Variants in LRRC36 observed in about 807,000 individuals in gnomAD.
LRRC36 encodes leucine-rich repeat-containing protein 36.
A neutral mutation model predicts 81.1 loss-of-function variants in LRRC36; 62 were observed. That is an observed-to-expected ratio of 0.76 (90% confidence interval 0.62 to 0.94). LRRC36 has a LOEUF of 0.94. Ranked by LOEUF, LRRC36 falls within the 40% of genes least tolerant of loss-of-function variation. The pLI, the probability that LRRC36 is intolerant of heterozygous loss-of-function variation, is 0.00. For synonymous variants in LRRC36, 334 were observed against 348.6 expected (o/e 0.96, Z 0.47); for missense variants, 761 against 881.7 (o/e 0.86, Z 1.73).
chr16:67,337,595 GGTGATCT>G lies in LRRC36; in HGVS notation c.71-4360_71-4354del, dbSNP rs2037825069. On this transcript the variant is annotated intron_variant, in intron 1 of 13. Transcript: ENST00000329956. Reference sequence around the variant, plus strand: ...GTCTGGTCTCAAACTCCTGGCCTCAGGTGATCTGCCCACCTCGGCCTTCCAAAGTGCT... The same window carrying G: ...GTCTGGTCTCAAACTCCTGGCCTCAGGCCCACCTCGGCCTTCCAAAGTGCT... Among the ~76,000 whole-genome samples the G allele has an allele frequency of 3.3e-5, 5 of 151,126 alleles. No individual in the cohort carries two copies. In the South Asian group the frequency reaches 1.1e-3, roughly 32 times the overall value.
At chr16:67,332,892 A>G (rs1223356640) in intron 1 of LRRC36, among the ~76,000 whole-genome samples, 1 of 151,416 alleles carries the variant, frequency 6.6e-6, no homozygotes, top group African/African-American at 2.4e-5. Context: ...TATTTTATTT[A>G]TTTATTTTTT....
chr16:67,340,845 C>T (rs150074982), intron 1 of LRRC36, among the ~76,000 whole-genome samples: 2,130 of 48,434 alleles, frequency 0.044, 104 homozygotes, highest in Middle Eastern at 0.15. Context: ...GAATATATAC[C>T]ACATATACTC....
chr16:67,349,235 CT>C (rs558818556), intron 4 of LRRC36, among the ~76,000 whole-genome samples: 34 of 151,728 alleles, frequency 2.2e-4, no homozygotes, highest in Non-Finnish European at 3.4e-4. Flanking sequence ...GATTGCAAAA[CT>C]GGAGGAAAAA....
At chr16:67,338,753 G>C (rs1410597072) in intron 1 of LRRC36, among the ~76,000 whole-genome samples, 1 of 148,598 alleles carries the variant, frequency 6.7e-6, no homozygotes, top group African/African-American at 2.5e-5. Flanking sequence ...AATCATGTTT[G>C]TTAATATCAT....
At chr16:67,342,805 G>A (rs995836643) in intron 2 of LRRC36, among the ~76,000 whole-genome samples, 13 of 152,156 alleles carry the variant, frequency 8.5e-5, no homozygotes, top group African/African-American at 1.2e-4. Context: ...AAGATCGAGC[G>A]TGACAAAGAC....
Position 67,326,859 on chromosome 16 carries a change from G to C in LRRC36, c.-4G>C, listed in dbSNP as rs748905203. 1 of 1,434,362 alleles carries C rather than the reference G, an allele frequency of 7.0e-7. No homozygotes were observed. The highest frequency in any genetic ancestry group is 1.5e-5 in the South Asian group (1 of 65,622). The allele number at this position is 1,434,362 out of a possible 1,614,324, so 88.9% of individuals were successfully genotyped here. On this transcript the variant is annotated 5_prime_UTR_variant, in exon 1 of 14. Transcript: ENST00000329956. ...GGGCGGTGGCAGGTGAGCGGCGGGC[G>C]GGGATGGCGGAGCAATGGGAGCTGG... is the stretch of plus-strand genomic sequence containing the variant.
At chr16:67,336,028 G>A (rs1365941472) in intron 1 of LRRC36, among the ~76,000 whole-genome samples, 4 of 152,122 alleles carry the variant, frequency 2.6e-5, no homozygotes, top group South Asian at 2.1e-4. Context: ...CACCGCACCC[G>A]GCCCAACCAC....
chr16:67,369,723 G>A (rs1304700012), intron 8 of LRRC36, among the ~76,000 whole-genome samples: 2 of 152,176 alleles, frequency 1.3e-5, no homozygotes, highest in South Asian at 2.1e-4. Context: ...TTACATGGTG[G>A]CAGGCAAGAG....
At position 67,381,808 on chromosome 16, in the gene LRRC36, G is replaced by A. The variant is rs533737970; in HGVS notation, c.1931-325G>A. ...TAATTGTCGTATTTTTAGGAGAGACGGGGTTTCACCATCTTGGCCAGGCTG... is the reference window on the plus strand; with the variant it reads ...TAATTGTCGTATTTTTAGGAGAGACAGGGTTTCACCATCTTGGCCAGGCTG... On this transcript the variant is annotated intron_variant, in intron 12 of 13. Transcript: ENST00000329956. Among the ~76,000 whole-genome samples, 8 of 152,234 alleles carry A rather than the reference G, an allele frequency of 5.3e-5. No homozygotes were observed. The East Asian group carries it at 1.4e-3, about 26-fold the overall frequency.
intron 10 of LRRC36, 46 bp from the exon 11 acceptor site, chr16:67,376,681 T>C (rs771182317): frequency 4.7e-5 from 75 of 1,586,814 alleles, no homozygotes; most frequent in Non-Finnish European, 5.9e-5. Flanking sequence ...ATGCTGTGCC[T>C]TAGCTTTTAA....
intron 9 of LRRC36, among the ~76,000 whole-genome samples, chr16:67,373,281 C>T (rs886410613): frequency 2.0e-5 from 3 of 152,034 alleles, no homozygotes; most frequent in African/African-American, 7.2e-5. Context: ...TTCTGTTAGA[C>T]ATTATTTTTC....
chr16:67,333,614 C>T (rs1435224592), intron 1 of LRRC36, among the ~76,000 whole-genome samples: 4 of 152,072 alleles, frequency 2.6e-5, no homozygotes, highest in African/African-American at 7.2e-5. Flanking sequence ...GGATTTGCCT[C>T]TTCTGGGTAT....
intron 6 of LRRC36, 117 bp downstream of exon 6, chr16:67,363,831 A>G (rs1355363050): frequency 1.8e-6 from 2 of 1,125,960 alleles, no homozygotes; most frequent in South Asian, 3.0e-5. Flanking sequence ...AAGGCATTTT[A>G]GACCCTTTTA....
At chr16:67,383,262 T>A (rs1022562093) in intron 13 of LRRC36, among the ~76,000 whole-genome samples, 2 of 152,192 alleles carry the variant, frequency 1.3e-5, no homozygotes, top group African/African-American at 4.8e-5. Flanking sequence ...TCAAGCCTTC[T>A]ACTTCACTTC....
At position 67,371,229 on chromosome 16, in the gene LRRC36, C is replaced by A; in HGVS notation, c.1481C>A (p.Ala494Asp). The change falls in exon 9 of 14, where the codon GCT becomes GAT. Residue 494 changes from alanine (A) to aspartate (D), a missense_variant. Ala to Asp is a moderately radical substitution (Grantham distance 126). Around this residue, in one of 3 missense-constraint regions of LRRC36, gnomAD observed 359 missense variants for 388.4 expected, o/e 0.92. Transcript: ENST00000329956. ...AATCTAAAGCATGGTTTCCAAGATG[C>A]TACAGGCAGCGAGGCAAGTGTTGGC... ...NLNLKHGFQD[A>D]TGSEPLSSDL... The A allele has an allele frequency of 6.2e-7, 1 of 1,614,164 alleles. No homozygotes were observed. Among genetic ancestry groups the A allele is most frequent in the South Asian group, 1.1e-5 (1 of 91,076 alleles).
rs114110165 is a variant in LRRC36 at position 67,342,395 on chromosome 16, A to T, written c.198+311A>T. ...AACACTTGTAGAAGTACAGATTCTC[A>T]GTCCCTACTGTGAGAGTTGGTCTGA... On this transcript the variant is annotated intron_variant, in intron 2 of 13. Coordinates refer to ENST00000329956, the MANE Select transcript of LRRC36 (RefSeq NM_018296.6). 2.5e-3 allele frequency among the ~76,000 whole-genome samples: 382 copies of T among 152,328 alleles called. 1 individual carries two copies. Among genetic ancestry groups the T allele is most frequent in the African/African-American group, 8.8e-3 (367 of 41,578 alleles).
In LRRC36 at chr16:67,326,926, C is replaced by T; in HGVS notation, c.64C>T (p.Gln22Ter). The change falls in exon 1 of 14, where the codon CAG becomes TAG. Residue 22 changes from glutamine to a stop codon, truncating the protein, a stop_gained. Transcript: ENST00000329956. LOFTEE classifies it high-confidence loss of function. ...CCGCCTGGGGGCGCTGACGCTGGAGCAGCCGGGTAGGGTCTGGCCGGGAGG... is the reference window on the plus strand; with the variant it reads ...CCGCCTGGGGGCGCTGACGCTGGAGTAGCCGGGTAGGGTCTGGCCGGGAGG... ...IRRLGALTLE[Q>*]PELVESLSLQ... The T allele has an allele frequency of 1.3e-6, 2 of 1,495,004 alleles. No homozygotes were observed. Among genetic ancestry groups the T allele is most frequent in the Admixed American group, 2.7e-5 (1 of 36,964 alleles). The allele number at this position is 1,495,004 out of a possible 1,614,324, so 92.6% of individuals were successfully genotyped here. A position where few individuals can be genotyped will look rare whatever the true frequency, so the allele number is the denominator to read the frequency against.
At chr16:67,333,454 A>G (rs1254622650) in intron 1 of LRRC36, among the ~76,000 whole-genome samples, 1 of 152,144 alleles carries the variant, frequency 6.6e-6, no homozygotes, top group Non-Finnish European at 1.5e-5. Context: ...TATACAATTC[A>G]GGGTCATTTT....
intron 11 of LRRC36, 93 bp downstream of exon 11, chr16:67,376,965 C>A: frequency 1.5e-6 from 2 of 1,314,780 alleles, no homozygotes; most frequent in African/African-American, 1.5e-5. Context: ...AACACCTAAC[C>A]AAAATATGGC....
Sources: allele counts gnomAD v4.1 joint callset (sites outside exome capture counted in the v4.1 genomes callset), GRCh38; gene constraint gnomAD v4.1.1; regional missense constraint gnomAD v4.1.1; transcripts MANE v1.5; gene names NCBI Gene and HGNC (gene_info 2026-07-23, HGNC 2026-07-21).